The following PCSK6 variants were observed in gnomAD, a reference collection of about 807,000 sequenced individuals.
PCSK6 encodes the protein paired basic amino acid cleaving enzyme 4.
Under a neutral mutation model 123.3 loss-of-function variants are expected in PCSK6, and 85 were observed. The ratio of observed to expected loss-of-function variants is 0.69; its 90% confidence interval spans 0.58 to 0.83. The LOEUF (loss-of-function observed/expected upper bound fraction) is 0.83, where lower values mean the gene tolerates loss of function less well. Ranked by LOEUF, PCSK6 falls within the 40% of genes least tolerant of loss-of-function variation. PCSK6 has a pLI of 0.00. For missense variants in PCSK6, 1,191 were observed against 1,282.3 expected (o/e 0.93, Z 1.09); for synonymous variants, 508 against 516.0 (o/e 0.98, Z 0.21).
chr15:101,327,282 C>T (rs1471656), intron 15 of PCSK6, among the ~76,000 whole-genome samples: 66,680 of 151,948 alleles, frequency 0.44, 15,037 homozygotes, highest in Admixed American at 0.6. Context: ...GCTGAGTAGA[C>T]GCCAGCAAAC....
At chr15:101,409,121 G>C (rs965695246) in intron 6 of PCSK6, among the ~76,000 whole-genome samples, 1 of 152,232 alleles carries the variant, frequency 6.6e-6, no homozygotes, top group Non-Finnish European at 1.5e-5. Flanking sequence ...GCCTACTCCA[G>C]ACCAGCCTCA....
At chr15:101,307,918 G>T in intron 20 of PCSK6, 1 of 153,458 alleles carries the variant, frequency 6.5e-6, no homozygotes. Context: ...TATTTCTAAT[G>T]CAGGGTAAAC....
Position 101,380,174 on chromosome 15 carries a change from G to A in PCSK6, c.1532+1918C>T, listed in dbSNP as rs192228453. 2.3e-3 allele frequency among the ~76,000 whole-genome samples: 348 copies of A among 152,166 alleles called. 6 individuals carry two copies. Among genetic ancestry groups the A allele is most frequent in the Non-Finnish European group, 7.1e-4 (48 of 67,990 alleles). ...ACAATGTTACACTGTATGTGACGGC[G>A]GGCTCCCTCAACCTGTGCTGTCTAG... On this transcript the variant is annotated intron_variant, in intron 11 of 21. Transcript: ENST00000611716.
At chr15:101,327,728 C>T (rs773972007) in intron 15 of PCSK6, among the ~76,000 whole-genome samples, 2 of 152,178 alleles carry the variant, frequency 1.3e-5, no homozygotes, top group Non-Finnish European at 2.9e-5. Context: ...CCTCTTCACT[C>T]GTCTTGAAGT....
In PCSK6 at chr15:101,443,370, G is replaced by A. The variant is rs759206253; in HGVS notation, c.402+186C>T. 1.8e-4 allele frequency among the ~76,000 whole-genome samples: 28 copies of A among 152,210 alleles called. 1 individual carries two copies. The highest frequency in any genetic ancestry group is 2.9e-4 in the Non-Finnish European group (20 of 68,042). ...TGTTTTGTTGATTTTAAAATGCTGAGAGATCCTCACTCACATGATTTAGTT... is the reference window on the plus strand; with the variant it reads ...TGTTTTGTTGATTTTAAAATGCTGAAAGATCCTCACTCACATGATTTAGTT... On this transcript the variant is annotated intron_variant, in intron 2 of 21. Coordinates refer to ENST00000611716, the MANE Select transcript of PCSK6 (RefSeq NM_002570.5).
At chr15:101,351,015 C>T (rs1381820697) in intron 13 of PCSK6, among the ~76,000 whole-genome samples, 2 of 152,128 alleles carry the variant, frequency 1.3e-5, no homozygotes, top group Admixed American at 6.5e-5. Flanking sequence ...CAAATTGCCC[C>T]TTCCTCATGA....
Position 101,304,198 on chromosome 15 carries a change from CAA to C in PCSK6, c.*1058_*1059del, listed in dbSNP as rs1285304180. On this transcript the variant is annotated 3_prime_UTR_variant, in exon 22 of 22. Transcript: ENST00000611716. Reference sequence around the variant, plus strand: ...CAATGAAAATATATGAAATATTTGTCAAAATAATTAACATCGGTAAAAATTAG... The same window carrying C: ...CAATGAAAATATATGAAATATTTGTCAATAATTAACATCGGTAAAAATTAG... 3 of 152,436 alleles carry C rather than the reference CAA, an allele frequency of 2.0e-5. No homozygotes were observed. Among genetic ancestry groups the C allele is most frequent in the Non-Finnish European group, 4.4e-5 (3 of 68,006 alleles). The allele number at this position is 152,436 out of a possible 1,614,324, so 9.4% of individuals were successfully genotyped here.
intron 13 of PCSK6, among the ~76,000 whole-genome samples, chr15:101,349,810 G>C (rs960585170): frequency 2.0e-5 from 3 of 152,194 alleles, no homozygotes; most frequent in Non-Finnish European, 4.4e-5. Context: ...CGAGTGCAGA[G>C]TGCCATACAG....
chr15:101,325,777 C>G (rs1248586318), intron 16 of PCSK6, among the ~76,000 whole-genome samples: 1 of 152,216 alleles, frequency 6.6e-6, no homozygotes, highest in Non-Finnish European at 1.5e-5. Flanking sequence ...ACTGCAGAGG[C>G]CACACAGGAG....
rs55970616 is a variant in PCSK6 at position 101,424,237 on chromosome 15, C to CA, written c.823+3654dup. 8.0e-3 allele frequency among the ~76,000 whole-genome samples: 1,059 copies of CA among 132,170 alleles called. 6 individuals are homozygous for CA. The highest frequency in any genetic ancestry group is 0.032 in the South Asian group (138 of 4,278). 86.7% of individuals were successfully genotyped at this position (132,170 alleles called of 152,430 possible). On this transcript the variant is annotated intron_variant, in intron 6 of 21. Coordinates refer to ENST00000611716, the MANE Select transcript of PCSK6 (RefSeq NM_002570.5). ...GTGACAGAGCAAGACCCCATCTCTT[C>CA]AAAAAAAAAAAAAGGAGCCATAGGA...
intron 13 of PCSK6, chr15:101,346,927 C>T (rs1328571818): frequency 8.1e-6 from 10 of 1,231,174 alleles, no homozygotes; most frequent in Non-Finnish European, 8.1e-6. Flanking sequence ...TTTTCTCAAA[C>T]GAGGAGAGTT....
At chr15:101,371,903 T>C (rs1037515336) in intron 11 of PCSK6, among the ~76,000 whole-genome samples, 1 of 152,218 alleles carries the variant, frequency 6.6e-6, no homozygotes, top group African/African-American at 2.4e-5. Flanking sequence ...AAATGGACGA[T>C]GGTTCCCTTT....
At chr15:101,349,870 C>T (rs1567157565) in intron 13 of PCSK6, among the ~76,000 whole-genome samples, 1 of 152,008 alleles carries the variant, frequency 6.6e-6, no homozygotes, top group African/African-American at 2.4e-5. Context: ...TGCTTGTTGG[C>T]TTTCTATCAT....
At chr15:101,401,004 C>T (rs57330977) in intron 6 of PCSK6, among the ~76,000 whole-genome samples, 12,367 of 152,162 alleles carry the variant, frequency 0.081, 673 homozygotes, top group East Asian at 0.22. Flanking sequence ...CTTGGGAGGC[C>T]AGGTAGGATA....
intron 6 of PCSK6, among the ~76,000 whole-genome samples, chr15:101,425,130 A>C (rs957994649): frequency 6.6e-6 from 1 of 152,186 alleles, no homozygotes; most frequent in Non-Finnish European, 1.5e-5. Flanking sequence ...ACTACCCGTG[A>C]GAGTGCTGAG....
intron 6 of PCSK6, among the ~76,000 whole-genome samples, chr15:101,399,020 A>G (rs2042507997): frequency 6.6e-6 from 1 of 152,122 alleles, no homozygotes; most frequent in South Asian, 2.1e-4. Flanking sequence ...CTCCTGCCTC[A>G]GCCTCCCGAG....
chr15:101,364,702 A>G lies in PCSK6; in HGVS notation c.1858+1494T>C, dbSNP rs115295442. ...AAACTATCCCAAGTTTATGGACTGG[A>G]AGACTTAATATTGTTAATGTGGAAA... On this transcript the variant is annotated intron_variant, in intron 13 of 21. Coordinates refer to ENST00000611716, the MANE Select transcript of PCSK6 (RefSeq NM_002570.5). Among the ~76,000 whole-genome samples, 767 of 152,338 alleles carry G rather than the reference A, an allele frequency of 5.0e-3. 5 individuals carry two copies. Among genetic ancestry groups the G allele is most frequent in the African/African-American group, 0.017 (720 of 41,570 alleles).
At chr15:101,410,292 T>C (rs1018225988) in intron 6 of PCSK6, among the ~76,000 whole-genome samples, 2 of 152,138 alleles carry the variant, frequency 1.3e-5, no homozygotes, top group Admixed American at 1.3e-4. Flanking sequence ...CAGCCTGCAC[T>C]CACCTTGGAG....
At chr15:101,488,249 A>G (rs2058065950) in intron 1 of PCSK6, among the ~76,000 whole-genome samples, 1 of 152,030 alleles carries the variant, frequency 6.6e-6, no homozygotes, top group Non-Finnish European at 1.5e-5. Flanking sequence ...ACTTCACTTA[A>G]CCCTCTGAGT....
Sources: allele counts gnomAD v4.1 joint callset (sites outside exome capture counted in the v4.1 genomes callset), GRCh38; gene constraint gnomAD v4.1.1; transcripts MANE v1.5; gene names NCBI Gene and HGNC (gene_info 2026-07-23, HGNC 2026-07-21).